CRPPA: variants seen among roughly 807,000 people sequenced by gnomAD.
CRPPA encodes the protein CDP-L-ribitol pyrophosphorylase A.
A neutral mutation model predicts 52.0 loss-of-function variants in CRPPA; 43 were observed. The ratio of observed to expected loss-of-function variants is 0.83; its 90% CI spans 0.65 to 1.07. CRPPA has a LOEUF of 1.07. Among genes scored for constraint, CRPPA ranks in the 50% least tolerant of loss-of-function variants. The pLI, the probability that CRPPA is intolerant of heterozygous loss-of-function variation, is 0.00. For synonymous variants in CRPPA, 250 were observed against 203.5 expected (o/e 1.23, Z -1.94); for missense variants, 629 against 551.7 (o/e 1.14, Z -1.40).
intron 3 of CRPPA, among the ~76,000 whole-genome samples, chr7:16,371,177 G>C (rs552665584): frequency 6.6e-6 from 1 of 152,118 alleles, no homozygotes; most frequent in Non-Finnish European, 1.5e-5. Context: ...GCCCACCATT[G>C]AGTATTACAT....
At chr7:16,215,993 T>C in intron 9 of CRPPA, 73 bp downstream of exon 9, 1 of 1,191,750 alleles carries the variant, frequency 8.4e-7, no homozygotes, top group Non-Finnish European at 1.2e-6. Flanking sequence ...TCCTCCTGCT[T>C]TTAACAAATC....
At chr7:16,188,269 C>T (rs1015794855) in intron 9 of CRPPA, among the ~76,000 whole-genome samples, 1 of 151,842 alleles carries the variant, frequency 6.6e-6, no homozygotes, top group African/African-American at 2.4e-5. Context: ...TATTTCAATT[C>T]CTAAATAACT....
chr7:16,093,544 T>C (rs964697451), intron 9 of CRPPA, among the ~76,000 whole-genome samples: 1 of 152,184 alleles, frequency 6.6e-6, no homozygotes, highest in African/African-American at 2.4e-5. Context: ...CTGGAGAAGA[T>C]CTGCAAGATG....
chr7:16,152,407 C>T (rs867188544), intron 9 of CRPPA, among the ~76,000 whole-genome samples: 28 of 151,726 alleles, frequency 1.8e-4, no homozygotes, highest in Admixed American at 4.6e-4. Context: ...CTCAAGAAAA[C>T]GGTAACTACC....
chr7:16,326,221 A>G (rs1160641759), intron 3 of CRPPA, among the ~76,000 whole-genome samples: 1 of 152,144 alleles, frequency 6.6e-6, no homozygotes, highest in Non-Finnish European at 1.5e-5. Flanking sequence ...ATGTAAGCAA[A>G]AGCATATTCT....
At chr7:16,327,012 C>A (rs79379811) in intron 3 of CRPPA, among the ~76,000 whole-genome samples, 1 of 152,130 alleles carries the variant, frequency 6.6e-6, no homozygotes, top group Admixed American at 6.5e-5. Context: ...CATGTTAGAA[C>A]AGTGAAAATT....
intron 9 of CRPPA, among the ~76,000 whole-genome samples, chr7:16,116,491 C>G (rs1393527549): frequency 6.6e-6 from 1 of 151,866 alleles, no homozygotes; most frequent in African/African-American, 2.4e-5. Flanking sequence ...ATGGCGAAAC[C>G]CCATCTCTAC....
At chr7:16,107,863 T>A (rs1254246041) in intron 9 of CRPPA, among the ~76,000 whole-genome samples, 1 of 151,914 alleles carries the variant, frequency 6.6e-6, no homozygotes, top group African/African-American at 2.4e-5. Flanking sequence ...AAATATAAAA[T>A]GTAGAGGAGA....
rs77576793 is a variant in CRPPA at position 16,328,303 on chromosome 7, C to T, written c.685-19676G>A. On this transcript the variant is annotated intron_variant, in intron 3 of 9. Transcript: ENST00000407010. ...ATTTATATACCTGGACGTTTCATTA[C>T]GCAAAAATTCTAATAACTAAGCACA... 5.5e-3 allele frequency among the ~76,000 whole-genome samples: 837 copies of T among 152,032 alleles called. 8 individuals carry two copies. Among genetic ancestry groups the T allele is most frequent in the African/African-American group, 0.018 (760 of 41,476 alleles).
intron 9 of CRPPA, among the ~76,000 whole-genome samples, chr7:16,129,475 C>G (rs555434735): frequency 6.6e-6 from 1 of 152,052 alleles, no homozygotes; most frequent in Non-Finnish European, 1.5e-5. Flanking sequence ...ATCTTAGGCT[C>G]TCATTGTCTC....
chr7:16,147,592 C>T (rs1165975095), intron 9 of CRPPA, among the ~76,000 whole-genome samples: 2 of 152,062 alleles, frequency 1.3e-5, no homozygotes, highest in African/African-American at 4.8e-5. Flanking sequence ...AAATGAACTT[C>T]CTCCCTTTTA....
intron 6 of CRPPA, among the ~76,000 whole-genome samples, chr7:16,265,627 C>T (rs959677040): frequency 2.0e-5 from 3 of 152,176 alleles, no homozygotes. Flanking sequence ...CTAATGCACA[C>T]TGCTATATTA....
intron 8 of CRPPA, among the ~76,000 whole-genome samples, chr7:16,254,933 C>G (rs373947901): frequency 5.9e-5 from 9 of 152,234 alleles, no homozygotes; most frequent in African/African-American, 2.2e-4. Context: ...ATTGGAAGTT[C>G]TGGCCAGGGC....
intron 3 of CRPPA, among the ~76,000 whole-genome samples, chr7:16,345,414 C>G (rs1470225153): frequency 6.6e-6 from 1 of 152,018 alleles, no homozygotes; most frequent in East Asian, 1.9e-4. Context: ...ATAAAGAGGA[C>G]CAGTAAAAGT....
intron 9 of CRPPA, among the ~76,000 whole-genome samples, chr7:16,144,582 T>C (rs1583387546): frequency 6.6e-6 from 1 of 152,184 alleles, no homozygotes; most frequent in Non-Finnish European, 1.5e-5. Flanking sequence ...GAGGAGTTTA[T>C]CTAAATAGCT....
At chr7:16,345,794 C>T (rs1359441936) in intron 3 of CRPPA, among the ~76,000 whole-genome samples, 1 of 152,082 alleles carries the variant, frequency 6.6e-6, no homozygotes, top group African/African-American at 2.4e-5. Flanking sequence ...TCTTTTTATA[C>T]ATGGAAATTG....
intron 9 of CRPPA, among the ~76,000 whole-genome samples, chr7:16,180,317 C>G (rs75023202): frequency 0.022 from 3,323 of 152,052 alleles, 127 homozygotes; most frequent in African/African-American, 0.076. Flanking sequence ...AATATAGGTA[C>G]AATTTAAAAA....
At chr7:16,166,058 C>A (rs1485504260) in intron 9 of CRPPA, among the ~76,000 whole-genome samples, 1 of 152,188 alleles carries the variant, frequency 6.6e-6, no homozygotes, top group Non-Finnish European at 1.5e-5. Flanking sequence ...CCCCTTTATT[C>A]CTTACCTCTT....
At chr7:16,289,634 T>C (rs1343840146) in intron 5 of CRPPA, among the ~76,000 whole-genome samples, 1 of 152,162 alleles carries the variant, frequency 6.6e-6, no homozygotes, top group Non-Finnish European at 1.5e-5. Flanking sequence ...TCAGCATTCC[T>C]TTTTCACAAA....
Sources: allele counts gnomAD v4.1 joint callset (sites outside exome capture counted in the v4.1 genomes callset), GRCh38; gene constraint gnomAD v4.1.1; transcripts MANE v1.5; gene names NCBI Gene and HGNC (gene_info 2026-07-23, HGNC 2026-07-21).